The following ZC3H6 variants were observed in gnomAD, a reference collection of about 807,000 sequenced individuals.
ZC3H6 encodes zinc finger CCCH-type containing 6.
In ZC3H6, 40 loss-of-function variants were observed where a neutral mutation model predicts 107.7. The observed-to-expected ratio is 0.37, with a 90% confidence interval of 0.29 to 0.48. ZC3H6 has a LOEUF of 0.48. ZC3H6 is among the 20% of genes least tolerant of loss of function. The probability of loss-of-function intolerance (pLI) is 0.98; values close to 1 mark genes in which losing one functional copy is unlikely to be tolerated. For synonymous variants in ZC3H6, 493 were observed against 487.9 expected (o/e 1.01, Z -0.14); for missense variants, 1,267 against 1,410.4 (o/e 0.90, Z 1.63).
In ZC3H6 at chr2:112,275,628, C is replaced by A. The variant is rs1686399974; in HGVS notation, c.-367C>A. The A allele has an allele frequency of 2.5e-6, 1 of 401,248 alleles. No individual in the cohort carries two copies. The allele number at this position is 401,248 out of a possible 1,614,324, so 24.9% of individuals were successfully genotyped here. A position where few individuals can be genotyped will look rare whatever the true frequency, so the allele number is the denominator to read the frequency against. On this transcript the variant is annotated 5_prime_UTR_variant, in exon 1 of 12. Coordinates refer to ENST00000409871, the MANE Select transcript of ZC3H6 (RefSeq NM_198581.3). The stretch of plus-strand genomic sequence containing the variant: ...TTCTCGAGCCGCCTGTTTCGGGTGC[C>A]GCCATGTTGGTGAGGAGAAATCACC...
At chr2:112,307,098 C>T (rs1164960689) in intron 3 of ZC3H6, among the ~76,000 whole-genome samples, 2 of 152,120 alleles carry the variant, frequency 1.3e-5, no homozygotes, top group African/African-American at 4.8e-5. Context: ...CTGCTATTTA[C>T]AAGAAGAGAA....
In ZC3H6 at chr2:112,309,770, T is replaced by G; in HGVS notation, c.337-115T>G. 3.0e-6 allele frequency: 3 copies of G among 1,013,920 alleles called. No homozygotes were observed. In the South Asian group the frequency reaches 5.2e-5, roughly 18 times the overall value. 62.8% of individuals were successfully genotyped at this position (1,013,920 alleles called of 1,614,324 possible). On this transcript the variant is annotated intron_variant, in intron 3 of 11. Coordinates refer to ENST00000409871, the MANE Select transcript of ZC3H6 (RefSeq NM_198581.3). ...AGTACTGATCAAGAGTCAGAACTAA[T>G]AACTGTCTTTTCTCCTTTCTCCAAA... is the stretch of plus-strand genomic sequence containing the variant.
Position 112,299,949 on chromosome 2 carries a change from G to A in ZC3H6, c.133G>A (p.Ala45Thr). The A allele has an allele frequency of 6.6e-7, 1 of 1,509,796 alleles. No individual in the cohort carries two copies. Among genetic ancestry groups the A allele is most frequent in the Non-Finnish European group, 8.9e-7 (1 of 1,129,628 alleles). The allele number at this position is 1,509,796 out of a possible 1,614,324, so 93.5% of individuals were successfully genotyped here. Residue 45 changes from alanine (A) to threonine (T), a missense_variant, in exon 2 of 12, where the codon GCC (alanine) becomes ACC (threonine). Coordinates refer to ENST00000409871, the MANE Select transcript of ZC3H6 (RefSeq NM_198581.3). ...KENEKQKSEK[A>T]YRKSRKKHKK... Reference sequence around the variant, plus strand: ...GAATGAAAAGCAGAAAAGTGAGAAAGCCTACAGAAAATCAAGAAAAAAACA... The same window carrying A: ...GAATGAAAAGCAGAAAAGTGAGAAAACCTACAGAAAATCAAGAAAAAAACA...
At chr2:112,327,043 G>A (rs574804440) in intron 11 of ZC3H6, among the ~76,000 whole-genome samples, 68 of 152,294 alleles carry the variant, frequency 4.5e-4, no homozygotes, top group Non-Finnish European at 8.5e-4. Context: ...ACCTGGCAGT[G>A]GGATTGCTGG....
At chr2:112,276,548 A>G (rs1686428238) in intron 1 of ZC3H6, among the ~76,000 whole-genome samples, 2 of 152,150 alleles carry the variant, frequency 1.3e-5, no homozygotes, top group Admixed American at 6.5e-5. Flanking sequence ...GGAATTTGAG[A>G]TGGCAAGTTT....
At chr2:112,282,115 G>GTGCCTCACTTATTTAGGAGATC (rs1361456002) in intron 1 of ZC3H6, among the ~76,000 whole-genome samples, 2 of 152,326 alleles carry the variant, frequency 1.3e-5, no homozygotes, top group Admixed American at 1.3e-4. Context: ...CACTCAAGGT[G>GTGCCTCACTTATTTAGGAGATC]TGCCTCACTT....
At chr2:112,310,511 T>C (rs537690734) in intron 4 of ZC3H6, among the ~76,000 whole-genome samples, 13 of 152,234 alleles carry the variant, frequency 8.5e-5, no homozygotes, top group South Asian at 4.1e-4. Flanking sequence ...AGCTATACTT[T>C]TATTAGGCTT....
intron 5 of ZC3H6, among the ~76,000 whole-genome samples, chr2:112,314,778 C>A (rs1676666086): frequency 6.6e-6 from 1 of 152,082 alleles, no homozygotes. Context: ...GTTTGTGAAT[C>A]AAATTTATAT....
rs369515841 is a variant in ZC3H6 at position 112,331,778 on chromosome 2, C to T, written c.2860C>T (p.His954Tyr). 3 of 1,613,520 alleles carry T rather than the reference C, an allele frequency of 1.9e-6. No homozygotes were observed. Among genetic ancestry groups the T allele is most frequent in the African/African-American group, 1.3e-5 (1 of 74,868 alleles). ...EGYLEQFGDS[H>Y]GSGAKLGDPR... The stretch of plus-strand genomic sequence containing the variant: ...CTACCTAGAACAATTTGGAGACTCA[C>T]ACGGTTCAGGAGCTAAATTAGGAGA... The change falls in exon 12 of 12, where the codon CAC (histidine) becomes TAC (tyrosine). Residue 954 changes from histidine (H) to tyrosine (Y), a missense_variant. By Grantham distance (83) the His-to-Tyr change is moderately conservative. Coordinates refer to ENST00000409871, the MANE Select transcript of ZC3H6 (RefSeq NM_198581.3).
In ZC3H6 at chr2:112,275,993, A is replaced by C. The variant is rs1206047029; in HGVS notation, c.-2A>C. 6.5e-7 allele frequency: 1 copy of C among 1,538,250 alleles called. No homozygotes were observed. The highest frequency in any genetic ancestry group is 1.2e-5 in the South Asian group (1 of 82,584). ...CCAGCCCCGCCCCGTTCTTGACCAA[A>C]CATGACAGACTCTGAACATGCAGGG... On this transcript the variant is annotated 5_prime_UTR_variant, in exon 1 of 12. Transcript: ENST00000409871.
intron 1 of ZC3H6, among the ~76,000 whole-genome samples, chr2:112,298,662 A>G (rs1573953040): frequency 6.6e-6 from 1 of 152,268 alleles, no homozygotes; most frequent in African/African-American, 2.4e-5. Context: ...GCCCAGCTCT[A>G]TGTGAATTAT....
chr2:112,332,345 C>A lies in ZC3H6; in HGVS notation c.3427C>A (p.Pro1143Thr). The change falls in exon 12 of 12, where the codon CCA (proline) becomes ACA (threonine). Residue 1143 changes from proline to threonine, a missense_variant. Physicochemically the swap from Pro to Thr is conservative, Grantham distance 38. Transcript: ENST00000409871. ...TCAGGCATTAACAGGCTTAATTAGG[C>A]CACAGTACAGTGATCCAAGGCAGGC... ...PVQALTGLIRPQYSDPRQARQ... is the reference protein window; with the variant it reads ...PVQALTGLIRTQYSDPRQARQ... The A allele has an allele frequency of 6.2e-7, 1 of 1,613,868 alleles. No individual in the cohort carries two copies. The highest frequency in any genetic ancestry group is 8.5e-7 in the Non-Finnish European group (1 of 1,179,868).
Position 112,325,146 on chromosome 2 carries a change from G to T in ZC3H6, c.2035G>T (p.Asp679Tyr). 1 of 1,614,012 alleles carries T rather than the reference G, an allele frequency of 6.2e-7. No individual in the cohort carries two copies. ...AAGACTTACTCAGAGATACCAAGAA[G>T]ATGAAGAACAAACCAGCACCCAACC... ...FVRLTQRYQE[D>Y]EEQTSTQPHR... is the part of the protein sequence containing the mutation. The change falls in exon 11 of 12, where the codon GAT (aspartate) becomes TAT (tyrosine). Residue 679 changes from aspartate to tyrosine, a missense_variant. Asp to Tyr is a radical substitution (Grantham distance 160). Transcript: ENST00000409871.
intron 3 of ZC3H6, among the ~76,000 whole-genome samples, chr2:112,308,687 C>T (rs1676537298): frequency 6.7e-6 from 1 of 150,024 alleles, no homozygotes; most frequent in Admixed American, 6.6e-5. Flanking sequence ...CTGCCTCAGC[C>T]TCCCAAAGTG....
intron 11 of ZC3H6, among the ~76,000 whole-genome samples, chr2:112,328,866 G>A (rs1416467423): frequency 6.6e-6 from 1 of 151,692 alleles, no homozygotes; most frequent in East Asian, 1.9e-4. Context: ...TTGAACCCAG[G>A]AGGCGGAGGT....
chr2:112,332,012 GC>G lies in ZC3H6; in HGVS notation c.3095del (p.Ala1032ValfsTer31). ...PPYAPKLSSS[A>X]GLPLGTSTSV... ...ATATGCCCCTAAACTCTCTTCCTCAGCTGGCCTTCCACTGGGAACTTCCACT... is the reference window on the plus strand; with the variant it reads ...ATATGCCCCTAAACTCTCTTCCTCAGTGGCCTTCCACTGGGAACTTCCACT... On this transcript the variant is annotated frameshift_variant, in exon 12 of 12. Transcript: ENST00000409871. LOFTEE classifies it high-confidence loss of function. 1.2e-6 allele frequency: 2 copies of G among 1,613,956 alleles called. No homozygotes were observed. The highest frequency in any genetic ancestry group is 2.7e-5 in the African/African-American group (2 of 75,016).
chr2:112,307,424 T>C (rs1222821190), intron 3 of ZC3H6, among the ~76,000 whole-genome samples: 1 of 152,192 alleles, frequency 6.6e-6, no homozygotes, highest in Non-Finnish European at 1.5e-5. Context: ...GCAGTTTGTA[T>C]AGCCAAATAA....
Position 112,309,943 on chromosome 2 carries a change from T to G in ZC3H6, c.395T>G (p.Phe132Cys), listed in dbSNP as rs556497728. The G allele has an allele frequency of 3.5e-4, 561 of 1,604,380 alleles. 6 individuals are homozygous for G. The South Asian group carries it at 6.0e-3, about 17-fold the overall frequency. The stretch of plus-strand genomic sequence containing the variant: ...AAGAAGGGTCAACATAACAAAAAAT[T>G]TAAAAGTAAAGAATATGATGAGTAC... ...TSKKGQHNKK[F>C]KSKEYDEYST... The change falls in exon 4 of 12, where the codon TTT becomes TGT. Residue 132 changes from phenylalanine to cysteine, a missense_variant. Physicochemically the swap from Phe to Cys is radical, Grantham distance 205 (BLOSUM62 -2). Around this residue, in one of 3 missense-constraint regions of ZC3H6, gnomAD observed 337 missense variants for 361.2 expected, o/e 0.93. Coordinates refer to ENST00000409871, the MANE Select transcript of ZC3H6 (RefSeq NM_198581.3).
intron 10 of ZC3H6, 125 bp from the exon 11 acceptor site, chr2:112,324,839 T>G (rs1043226026): frequency 1.3e-5 from 15 of 1,134,358 alleles, no homozygotes; most frequent in Non-Finnish European, 1.7e-5. Context: ...TAGATAACTT[T>G]TAGAAATATT....
Sources: allele counts gnomAD v4.1 joint callset (sites outside exome capture counted in the v4.1 genomes callset), GRCh38; gene constraint gnomAD v4.1.1; regional missense constraint gnomAD v4.1.1; transcripts MANE v1.5; gene names NCBI Gene and HGNC (gene_info 2026-07-23, HGNC 2026-07-21).